PPFIA2: variants seen among roughly 807,000 people sequenced by gnomAD.
PPFIA2 encodes the protein PPFI scaffold protein A2, also known as liprin-alpha-2.
A neutral mutation model predicts 175.5 loss-of-function variants in PPFIA2; 46 were observed. The ratio of observed to expected loss-of-function variants is 0.26; its 90% CI spans 0.21 to 0.34. The LOEUF (loss-of-function observed/expected upper bound fraction) is 0.34, where lower values mean the gene tolerates loss of function less well. Among genes scored for constraint, PPFIA2 ranks in the 10% least tolerant of loss-of-function variants. The pLI, the probability that PPFIA2 is intolerant of heterozygous loss-of-function variation, is 1.00. For missense variants in PPFIA2, 1,179 were observed against 1,506.1 expected (o/e 0.78, Z 3.60); for synonymous variants, 568 against 511.4 (o/e 1.11, Z -1.49).
At chr12:81,495,075 C>T (rs186681714) in intron 4 of PPFIA2, among the ~76,000 whole-genome samples, 231 of 151,446 alleles carry the variant, frequency 1.5e-3, no homozygotes, top group African/African-American at 5.5e-3. Context: ...CACATGTACC[C>T]TAAAACTTAA....
intron 22 of PPFIA2, among the ~76,000 whole-genome samples, chr12:81,325,221 C>G (rs986999868): frequency 6.6e-6 from 1 of 152,014 alleles, no homozygotes; most frequent in African/African-American, 2.4e-5. Flanking sequence ...GAACTACTTG[C>G]TTTCCAACAG....
At chr12:81,327,362 G>A (rs2055019735) in intron 21 of PPFIA2, among the ~76,000 whole-genome samples, 1 of 151,882 alleles carries the variant, frequency 6.6e-6, no homozygotes, top group Non-Finnish European at 1.5e-5. Context: ...GCCTTCTACT[G>A]GTGACTAAAG....
At chr12:81,661,287 C>T (rs2068817981) in intron 4 of PPFIA2, among the ~76,000 whole-genome samples, 1 of 152,198 alleles carries the variant, frequency 6.6e-6, no homozygotes, top group Non-Finnish European at 1.5e-5. Context: ...CATCTGTGTA[C>T]TGTATTCAGG....
At chr12:81,706,150 G>C (rs1243875719) in intron 3 of PPFIA2, among the ~76,000 whole-genome samples, 1 of 152,132 alleles carries the variant, frequency 6.6e-6, no homozygotes, top group African/African-American at 2.4e-5. Context: ...TTCAGGAATA[G>C]GATGGGACCA....
intron 4 of PPFIA2, among the ~76,000 whole-genome samples, chr12:81,533,245 T>C (rs1226179991): frequency 6.6e-6 from 1 of 151,744 alleles, no homozygotes; most frequent in Non-Finnish European, 1.5e-5. Context: ...TCACAACGTT[T>C]TAATATAAAA....
intron 14 of PPFIA2, 36 bp downstream of exon 14, chr12:81,367,072 T>C (rs758526897): frequency 2.1e-6 from 3 of 1,448,876 alleles, no homozygotes; most frequent in African/African-American, 1.5e-5. Flanking sequence ...AAAATAAAAA[T>C]AGAAAATGGG....
chr12:81,391,306 G>A (rs2040066319), intron 8 of PPFIA2, among the ~76,000 whole-genome samples: 1 of 151,842 alleles, frequency 6.6e-6, no homozygotes, highest in Non-Finnish European at 1.5e-5. Context: ...ATGAGCAAAG[G>A]GAGGGGGATA....
chr12:81,438,727 T>C (rs986764488), intron 7 of PPFIA2, among the ~76,000 whole-genome samples: 2 of 152,176 alleles, frequency 1.3e-5, no homozygotes, highest in East Asian at 1.9e-4. Context: ...TTGTGATAAT[T>C]TGATACATTC....
intron 4 of PPFIA2, among the ~76,000 whole-genome samples, chr12:81,584,861 A>G (rs2153432970): frequency 1.7e-5 from 2 of 116,766 alleles, no homozygotes; most frequent in East Asian, 4.7e-4. Context: ...TAAATATAAT[A>G]TAATTATATT....
chr12:81,642,918 A>G (rs1188251623), intron 4 of PPFIA2, among the ~76,000 whole-genome samples: 1 of 145,028 alleles, frequency 6.9e-6, no homozygotes, highest in East Asian at 2.0e-4. Context: ...ACAAATGTAA[A>G]AAATGTGTAT....
At chr12:81,640,158 G>T (rs2064768522) in intron 4 of PPFIA2, among the ~76,000 whole-genome samples, 1 of 152,036 alleles carries the variant, frequency 6.6e-6, no homozygotes, top group South Asian at 2.1e-4. Flanking sequence ...ACATTTGAAG[G>T]ACTATCATAA....
chr12:81,330,407 T>C (rs1479724752), intron 21 of PPFIA2, among the ~76,000 whole-genome samples: 2 of 152,218 alleles, frequency 1.3e-5, no homozygotes, highest in East Asian at 3.8e-4. Flanking sequence ...AAAATCTTTG[T>C]CTTCCTTTCC....
At chr12:81,705,433 G>A (rs2153606788) in intron 3 of PPFIA2, among the ~76,000 whole-genome samples, 1 of 148,558 alleles carries the variant, frequency 6.7e-6, no homozygotes, top group Admixed American at 6.7e-5. Flanking sequence ...TCCAGCCTGG[G>A]GTGACAGAAC....
At chr12:81,362,422 T>C (rs1018103070) in intron 15 of PPFIA2, among the ~76,000 whole-genome samples, 1 of 151,208 alleles carries the variant, frequency 6.6e-6, no homozygotes, top group Non-Finnish European at 1.5e-5. Flanking sequence ...TTTCTTCAAT[T>C]AAGAATCTTT....
chr12:81,650,038 C>A (rs1472286363), intron 4 of PPFIA2, among the ~76,000 whole-genome samples: 7 of 151,014 alleles, frequency 4.6e-5, no homozygotes, highest in Admixed American at 4.6e-4. Context: ...GAGACGGAGT[C>A]TTGCTCTGTT....
At chr12:81,452,293 G>A (rs888153505) in intron 5 of PPFIA2, among the ~76,000 whole-genome samples, 1 of 152,174 alleles carries the variant, frequency 6.6e-6, no homozygotes, top group African/African-American at 2.4e-5. Context: ...CTTGTGAATA[G>A]TTATTTCCAA....
chr12:81,500,471 T>C (rs1330301169), intron 4 of PPFIA2, among the ~76,000 whole-genome samples: 1 of 152,212 alleles, frequency 6.6e-6, no homozygotes, highest in African/African-American at 2.4e-5. Context: ...CACTTTAATT[T>C]GGAGAGTTTC....
chr12:81,599,642 G>GTAT (rs1204341258), intron 4 of PPFIA2, among the ~76,000 whole-genome samples: 1 of 151,900 alleles, frequency 6.6e-6, no homozygotes, highest in Non-Finnish European at 1.5e-5. Flanking sequence ...TGATGTTAGT[G>GTAT]TATTATTATT....
chr12:81,710,530 TTGAGTA>T (rs1163103914), intron 3 of PPFIA2, among the ~76,000 whole-genome samples: 1 of 152,114 alleles, frequency 6.6e-6, no homozygotes, highest in Non-Finnish European at 1.5e-5. Context: ...TAAATATAGT[TTGAGTA>T]TTTCTTATCT....
Sources: allele counts gnomAD v4.1 joint callset (sites outside exome capture counted in the v4.1 genomes callset), GRCh38; gene constraint gnomAD v4.1.1; transcripts MANE v1.5; gene names NCBI Gene and HGNC (gene_info 2026-07-23, HGNC 2026-07-21).